MIB1: variants seen among roughly 807,000 people sequenced by gnomAD.
MIB1 encodes the protein MIB E3 ubiquitin protein ligase 1.
MIB1 carries 278 observed loss-of-function variants against 124.5 expected under a neutral mutation model. The ratio of observed to expected loss-of-function variants is 2.23; its 90% confidence interval spans 2.02 to 2.47. MIB1 has a LOEUF of 2.47. MIB1 is among the 30% of genes most tolerant of loss of function. The pLI is 0.00. For missense variants in MIB1, 957 were observed against 1,254.4 expected (o/e 0.76, Z 3.58); for synonymous variants, 446 against 429.4 (o/e 1.04, Z -0.48).
intron 10 of MIB1, among the ~76,000 whole-genome samples, chr18:21,815,035 AT>A (rs2041815146): frequency 1.7e-5 from 2 of 118,380 alleles, no homozygotes; most frequent in Non-Finnish European, 3.3e-5. Context: ...ATATATATAT[AT>A]ATATATATAT....
chr18:21,802,670 A>G (rs1417018901), intron 9 of MIB1, among the ~76,000 whole-genome samples: 1 of 152,092 alleles, frequency 6.6e-6, no homozygotes, highest in Non-Finnish European at 1.5e-5. Context: ...CATTCCTTAG[A>G]TGTCTGGTAA....
At chr18:21,848,371 C>T (rs147170272) in intron 16 of MIB1, among the ~76,000 whole-genome samples, 12 of 151,774 alleles carry the variant, frequency 7.9e-5, no homozygotes, top group African/African-American at 2.4e-4. Context: ...TTGCTTGAAC[C>T]GGGAGGCGGA....
chr18:21,802,893 G>C (rs2041665096), intron 9 of MIB1, among the ~76,000 whole-genome samples: 1 of 152,150 alleles, frequency 6.6e-6, no homozygotes, highest in Non-Finnish European at 1.5e-5. Context: ...AAGTTTTCCT[G>C]TCTAGGGATG....
chr18:21,820,694 A>G (rs1211021973), intron 12 of MIB1, among the ~76,000 whole-genome samples: 1 of 152,190 alleles, frequency 6.6e-6, no homozygotes, highest in Non-Finnish European at 1.5e-5. Flanking sequence ...CACTTTCCAC[A>G]TGCCAGCCTC....
At chr18:21,763,003 ATTCT>A (rs1294816410) in intron 1 of MIB1, among the ~76,000 whole-genome samples, 1 of 151,920 alleles carries the variant, frequency 6.6e-6, no homozygotes, top group African/African-American at 2.4e-5. Context: ...GTGCAGTATA[ATTCT>A]TTATATGTAT....
chr18:21,707,466 A>G (rs1051588455), intron 1 of MIB1, among the ~76,000 whole-genome samples: 13 of 152,188 alleles, frequency 8.5e-5, no homozygotes, highest in Non-Finnish European at 1.6e-4. Flanking sequence ...CACGTTGTGG[A>G]AGCTTTGTCC....
intron 1 of MIB1, among the ~76,000 whole-genome samples, chr18:21,760,660 A>G (rs2041087521): frequency 6.6e-6 from 1 of 152,228 alleles, no homozygotes; most frequent in South Asian, 2.1e-4. Flanking sequence ...AAGCCTGTAC[A>G]CAGATTATGA....
chr18:21,792,949 A>G (rs1451041608), intron 7 of MIB1, among the ~76,000 whole-genome samples: 1 of 152,228 alleles, frequency 6.6e-6, no homozygotes, highest in African/African-American at 2.4e-5. Context: ...TTAGATTAGC[A>G]TAACCAAAAA....
upstream of MIB1, among the ~76,000 whole-genome samples, chr18:21,737,195 C>A (rs1410310294): frequency 6.6e-6 from 1 of 152,158 alleles, no homozygotes; most frequent in Non-Finnish European, 1.5e-5. Context: ...CGGCAAAAAC[C>A]CTACAAGCCA....
intron 1 of MIB1, among the ~76,000 whole-genome samples, chr18:21,742,301 C>G (rs1190561894): frequency 1.4e-5 from 2 of 147,440 alleles, no homozygotes; most frequent in African/African-American, 2.5e-5. Context: ...TTTTAACCTC[C>G]TGTGACACAG....
At chr18:21,782,714 C>T (rs978402678) in intron 6 of MIB1, among the ~76,000 whole-genome samples, 3 of 152,068 alleles carry the variant, frequency 2.0e-5, no homozygotes, top group Non-Finnish European at 2.9e-5. Flanking sequence ...GAATGTTCCT[C>T]GTGCTGATGA....
Position 21,734,255 on chromosome 18 carries a change from C to T in MIB1, n.167+29132C>T, listed in dbSNP as rs144570701. 8.7e-4 allele frequency among the ~76,000 whole-genome samples: 130 copies of T among 149,694 alleles called. 1 individual carries two copies. Among genetic ancestry groups the T allele is most frequent in the African/African-American group, 3.0e-3 (123 of 40,746 alleles). On this transcript the variant is annotated intron_variant and non_coding_transcript_variant, in intron 1 of 20. Transcript: ENST00000578646. ...CCAAGTAGCTGGGACTACAGGCGCCCGCCACCACGCCCGGCTATTTTTTGG... is the reference window on the plus strand; with the variant it reads ...CCAAGTAGCTGGGACTACAGGCGCCTGCCACCACGCCCGGCTATTTTTTGG...
intron 13 of MIB1, among the ~76,000 whole-genome samples, chr18:21,839,267 A>T (rs533357532): frequency 3.9e-5 from 6 of 152,312 alleles, no homozygotes; most frequent in African/African-American, 1.4e-4. Flanking sequence ...TTAAAGAAAT[A>T]TATCAAAAGT....
chr18:21,793,283 T>C (rs934110219), intron 7 of MIB1, among the ~76,000 whole-genome samples: 172 of 152,252 alleles, frequency 1.1e-3, no homozygotes, highest in African/African-American at 3.9e-3. Flanking sequence ...AACTCAAAAC[T>C]AACCAGCCAA....
intron 1 of MIB1, among the ~76,000 whole-genome samples, chr18:21,713,971 A>T (rs1032071447): frequency 3.3e-5 from 5 of 152,094 alleles, no homozygotes; most frequent in Non-Finnish European, 5.9e-5. Flanking sequence ...TTTGGAGAAA[A>T]TTTTTAATAG....
Position 21,741,863 on chromosome 18 carries a change from A to T in MIB1, c.229+51A>T. 6.8e-7 allele frequency: 1 copy of T among 1,469,940 alleles called. No individual in the cohort carries two copies. The highest frequency in any genetic ancestry group is 9.1e-7 in the Non-Finnish European group (1 of 1,094,564). 91.1% of individuals were successfully genotyped at this position (1,469,940 alleles called of 1,614,324 possible). A position where few individuals can be genotyped will look rare whatever the true frequency, so the allele number is the denominator to read the frequency against. On this transcript the variant is annotated intron_variant, in intron 1 of 20. Transcript: ENST00000261537. This position sits in a 1 kb window ranked among gnomAD's most constrained non-coding sequence, Gnocchi z 5.4. ...CTTGCGCGCGCGGGGGGAAGGGGCG[A>T]GCTGCGGTGGGCGTCGGTGTCGCGG...
chr18:21,798,385 A>G (rs1181231525), intron 8 of MIB1, among the ~76,000 whole-genome samples, 157 bp downstream of exon 8: 1 of 152,078 alleles, frequency 6.6e-6, no homozygotes, highest in Non-Finnish European at 1.5e-5. Flanking sequence ...TTAAACTTTC[A>G]CTAAAAATTT....
Position 21,779,650 on chromosome 18 carries a change from T to TC in MIB1, c.874dup (p.His292ProfsTer2). 6.2e-7 allele frequency: 1 copy of TC among 1,614,122 alleles called. No individual in the cohort carries two copies. The highest frequency in any genetic ancestry group is 8.5e-7 in the Non-Finnish European group (1 of 1,179,976). On this transcript the variant is annotated frameshift_variant, in exon 6 of 21. Transcript: ENST00000261537. LOFTEE classifies it high-confidence loss of function. Reference sequence around the variant, plus strand: ...GAACTGTTTGTGGCATTGATGAAGATCATGACATTGTAGTACAGTATCCAA... The same window carrying TC: ...GAACTGTTTGTGGCATTGATGAAGATCCATGACATTGTAGTACAGTATCCAA...
Position 21,870,640 on chromosome 18 carries a change from T to C in MIB1, c.*5974T>C, listed in dbSNP as rs1206535241. ...TTTAGTTTTATGAGTAAATCATTAATTGTATGGTTTGGGGGTTATTTTATT... is the reference window on the plus strand; with the variant it reads ...TTTAGTTTTATGAGTAAATCATTAACTGTATGGTTTGGGGGTTATTTTATT... On this transcript the variant is annotated 3_prime_UTR_variant, in exon 21 of 21. Transcript: ENST00000261537. 1.3e-5 allele frequency: 2 copies of C among 152,184 alleles called. No homozygotes were observed. The highest frequency in any genetic ancestry group is 2.9e-5 in the Non-Finnish European group (2 of 68,022). 9.4% of individuals were successfully genotyped at this position (152,184 alleles called of 1,614,324 possible).
Sources: gnomAD v4.1 joint callset for allele counts (sites outside exome capture counted in the v4.1 genomes callset) on GRCh38, gnomAD v4.1.1 for gene constraint, Gnocchi (gnomAD v3.1) non-coding constraint, MANE v1.5 for transcripts, NCBI Gene and HGNC (gene_info 2026-07-23, HGNC 2026-07-21) for gene names.